DST: variants seen among roughly 807,000 people sequenced by gnomAD.
The protein encoded by DST is bullous pemphigoid antigen.
In DST, 253 loss-of-function variants were observed where a neutral mutation model predicts 875.2. The observed-to-expected ratio is 0.29, with a 90% CI of 0.26 to 0.32. The LOEUF (loss-of-function observed/expected upper bound fraction) is 0.32. Among genes scored for constraint, DST ranks in the 10% least tolerant of loss-of-function variants. The pLI, the probability that DST is intolerant of heterozygous loss-of-function variation, is 1.00. For missense variants in DST, 8,287 were observed against 9,111.6 expected (o/e 0.91, Z 3.68); for synonymous variants, 3,124 against 3,197.1 (o/e 0.98, Z 0.77).
chr6:56,942,384 T>A (rs1047161422), intron 2 of DST, among the ~76,000 whole-genome samples: 9 of 152,124 alleles, frequency 5.9e-5, no homozygotes, highest in Admixed American at 6.6e-5. Context: ...TCTCTCCTGG[T>A]TTTTCGTTCC....
chr6:56,873,595 A>C (rs555315292), intron 3 of DST, among the ~76,000 whole-genome samples: 17 of 152,212 alleles, frequency 1.1e-4, no homozygotes, highest in Non-Finnish European at 1.8e-4. Flanking sequence ...GCATTATGTT[A>C]AGTGCAGTAA....
At chr6:56,775,251 A>G (rs1256712477) in intron 4 of DST, among the ~76,000 whole-genome samples, 3 of 152,120 alleles carry the variant, frequency 2.0e-5, no homozygotes, top group Non-Finnish European at 4.4e-5. Context: ...GGCATCCTCT[A>G]AACAACCCTA....
intron 4 of DST, among the ~76,000 whole-genome samples, chr6:56,780,265 G>A (rs1246794599): frequency 6.6e-6 from 1 of 151,858 alleles, no homozygotes; most frequent in East Asian, 1.9e-4. Context: ...TGGGTCAAAT[G>A]GTATTTCTAG....
intron 4 of DST, among the ~76,000 whole-genome samples, chr6:56,740,111 C>T (rs1341431297): frequency 6.6e-6 from 1 of 152,204 alleles, no homozygotes; most frequent in Non-Finnish European, 1.5e-5. Context: ...CCGCCTCGGC[C>T]TCCCAAAGTG....
Position 56,532,425 on chromosome 6 carries a change from G to A in DST, c.17027C>T (p.Pro5676Leu). ...TTTCAAAATCTTCACTTTATCTGCG[G>A]GCTCTGCTGTTGTAGCAATTTTTTC... The part of the protein sequence containing the change: ...EGEKIATTAE[P>L]ADKVKILKQL... The change falls in exon 64 of 104, where the codon CCC (proline) becomes CTC (leucine). Residue 5676 changes from proline to leucine, a missense_variant. Pro to Leu is a moderately conservative substitution (Grantham distance 98, BLOSUM62 -3). Coordinates refer to ENST00000680361, the MANE Select transcript of DST (RefSeq NM_001374736.1). 6.2e-7 allele frequency: 1 copy of A among 1,613,384 alleles called. No homozygotes were observed. The highest frequency in any genetic ancestry group is 1.3e-5 in the African/African-American group (1 of 75,014).
rs778384479 is a variant in DST, at chr6:56,606,815, C to T, written c.7813G>A (p.Asp2605Asn). Residue 2605 changes from aspartate to asparagine, a missense_variant, in exon 40 of 104, where the codon GAC (aspartate) becomes AAC (asparagine). By Grantham distance (23) the Asp-to-Asn change is conservative (BLOSUM62 1). Around this residue, in one of 10 missense-constraint regions of DST, gnomAD observed 3,138 missense variants for 3,116.6 expected, o/e 1.01. Coordinates refer to ENST00000680361, the MANE Select transcript of DST (RefSeq NM_001374736.1). ...LNDQQNNTGT[D>N]TDSDDDFYDT... ...TAAAAATCATCATCACTATCAGTGT[C>T]TGTTCCTGTGTTATTCTGCTGATCA... 5.6e-6 allele frequency: 9 copies of T among 1,613,264 alleles called. No individual in the cohort carries two copies. In the Admixed American group the frequency reaches 1.3e-4, roughly 24 times the overall value.
chr6:56,806,374 T>C (rs1246816378), intron 4 of DST, among the ~76,000 whole-genome samples: 1 of 152,076 alleles, frequency 6.6e-6, no homozygotes, highest in Non-Finnish European at 1.5e-5. Flanking sequence ...GACAGTGACA[T>C]ACAAAAAGAG....
chr6:56,538,847 G>A (rs1002509208), intron 61 of DST, among the ~76,000 whole-genome samples: 5 of 152,086 alleles, frequency 3.3e-5, no homozygotes, highest in Non-Finnish European at 5.9e-5. Flanking sequence ...GGAAGTCTCC[G>A]TAATTTTGCA....
In DST at chr6:56,640,575, G is replaced by C; in HGVS notation, c.2058C>G (p.Ala686=). 2 of 1,614,120 alleles carry C rather than the reference G, an allele frequency of 1.2e-6. No individual in the cohort carries two copies. The highest frequency in any genetic ancestry group is 1.7e-6 in the Non-Finnish European group (2 of 1,180,012). Residue 686 remains alanine, a synonymous_variant, in exon 18 of 104, where the codon GCC becomes GCG. Coordinates refer to ENST00000680361, the MANE Select transcript of DST (RefSeq NM_001374736.1). ...RVAKLRDEIM[A]LRNECSSVYS... ...ACACAGAAGAACATTCGTTCCTTAA[G>C]GCCATAATTTCGTCACGCAGTTTTG...
chr6:56,949,114 G>C (rs1821104871), intron 2 of DST, among the ~76,000 whole-genome samples: 3 of 152,130 alleles, frequency 2.0e-5, no homozygotes, highest in Admixed American at 1.3e-4. Flanking sequence ...TTGCCATCCA[G>C]ATCTCAAAGA....
chr6:56,560,622 C>T (rs1354657394), intron 57 of DST, among the ~76,000 whole-genome samples, 199 bp from the exon 58 acceptor site: 1 of 152,062 alleles, frequency 6.6e-6, no homozygotes, highest in African/African-American at 2.4e-5. Context: ...ATACAGGAAT[C>T]CCCACAGAGG....
intron 3 of DST, among the ~76,000 whole-genome samples, chr6:56,896,306 C>T (rs921832547): frequency 2.0e-5 from 3 of 152,048 alleles, no homozygotes; most frequent in African/African-American, 7.2e-5. Flanking sequence ...TCATGGGGGT[C>T]GGTCTTCCCC....
intron 75 of DST, among the ~76,000 whole-genome samples, chr6:56,507,282 T>C (rs1368634843): frequency 6.6e-6 from 1 of 152,226 alleles, no homozygotes. Context: ...AGAAAGGCAG[T>C]ATCCTACTTT....
chr6:56,799,796 A>AT (rs891261727), intron 4 of DST, among the ~76,000 whole-genome samples: 8 of 151,434 alleles, frequency 5.3e-5, no homozygotes, highest in African/African-American at 1.9e-4. Flanking sequence ...TAATTTTTGT[A>AT]TTTTTTTAGT....
intron 9 of DST, chr6:56,693,128 C>T: frequency 7.8e-7 from 1 of 1,288,002 alleles, no homozygotes; most frequent in Non-Finnish European, 1.0e-6. Context: ...TCAGCTCTTA[C>T]ACATCCACAG....
At position 56,489,534 on chromosome 6, in the gene DST, C is replaced by T. The variant is rs756935398; in HGVS notation, c.20833G>A (p.Ala6945Thr). Reference protein sequence around the residue: ...EKSLDSELEIANDPDKIKTQL... With the variant: ...EKSLDSELEITNDPDKIKTQL... Reference sequence around the variant, plus strand: ...GTTTTTATTTTGTCTGGATCATTTGCGATTTCCAGTTCAGAATCCAAAGAC... The same window carrying T: ...GTTTTTATTTTGTCTGGATCATTTGTGATTTCCAGTTCAGAATCCAAAGAC... Residue 6945 changes from alanine (A) to threonine (T), a missense_variant, in exon 86 of 104, where the codon GCA becomes ACA. Coordinates refer to ENST00000680361, the MANE Select transcript of DST (RefSeq NM_001374736.1). 2.5e-6 allele frequency: 4 copies of T among 1,612,768 alleles called. No individual in the cohort carries two copies. The highest frequency in any genetic ancestry group is 1.7e-5 in the Admixed American group (1 of 59,948).
intron 5 of DST, among the ~76,000 whole-genome samples, chr6:56,728,269 G>C (rs1589274221): frequency 6.6e-6 from 1 of 152,130 alleles, no homozygotes; most frequent in Non-Finnish European, 1.5e-5. Flanking sequence ...TTGTCTTCTT[G>C]TCATGAAATA....
At chr6:56,747,662 T>C (rs2099576629) in intron 4 of DST, among the ~76,000 whole-genome samples, 2 of 152,194 alleles carry the variant, frequency 1.3e-5, no homozygotes. Context: ...AATTAGACTT[T>C]TTTAAAAGGT....
chr6:56,528,760 G>T, intron 67 of DST, 81 bp downstream of exon 67: 1 of 976,434 alleles, frequency 1.0e-6, no homozygotes, highest in Non-Finnish European at 1.6e-6. Flanking sequence ...AAAGTGTTTT[G>T]GTTTTTTCCC....
Sources: gnomAD v4.1 joint callset for allele counts (sites outside exome capture counted in the v4.1 genomes callset) on GRCh38, gnomAD v4.1.1 for gene constraint, gnomAD v4.1.1 regional missense constraint, MANE v1.5 for transcripts, NCBI Gene and HGNC (gene_info 2026-07-23, HGNC 2026-07-21) for gene names.